B3GAT2: variants seen among roughly 807,000 people sequenced by gnomAD.
B3GAT2 encodes beta-1,3-glucuronyltransferase 2.
In B3GAT2, 26 loss-of-function variants were observed where a neutral mutation model predicts 27.8. The ratio of observed to expected loss-of-function variants is 0.93; its 90% CI spans 0.68 to 1.30. The LOEUF (loss-of-function observed/expected upper bound fraction) is 1.30. Among genes scored for constraint, B3GAT2 ranks in the 50% most tolerant of loss-of-function variants. B3GAT2 has a pLI of 0.00. For synonymous variants in B3GAT2, 218 were observed against 195.1 expected (o/e 1.12, Z -0.98); for missense variants, 458 against 459.0 (o/e 1.00, Z 0.02).
intron 1 of B3GAT2, among the ~76,000 whole-genome samples, chr6:70,918,525 G>A (rs1462234771): frequency 1.3e-5 from 2 of 152,128 alleles, no homozygotes; most frequent in Non-Finnish European, 2.9e-5. Context: ...TTTTGTAGTG[G>A]CTGGTACCGG....
chr6:70,900,115 A>T (rs1178268720), intron 1 of B3GAT2, among the ~76,000 whole-genome samples: 3 of 152,228 alleles, frequency 2.0e-5, no homozygotes. Flanking sequence ...TTCAATGCCA[A>T]AGTCATATTC....
At chr6:70,919,721 T>C (rs1317394691) in intron 1 of B3GAT2, among the ~76,000 whole-genome samples, 1 of 151,762 alleles carries the variant, frequency 6.6e-6, no homozygotes, top group African/African-American at 2.4e-5. Flanking sequence ...GTATCACCAA[T>C]GGAGGCTGCA....
chr6:70,857,169 C>A lies in B3GAT2; in HGVS notation c.*4494G>T. On this transcript the variant is annotated 3_prime_UTR_variant, in exon 4 of 4. Transcript: ENST00000230053. ...TGTTGCAGTTTATACAACTATGAAG[C>A]CGAAATGAATGAGCATTAGAATTAA... is the stretch of plus-strand genomic sequence containing the variant. 1 of 787,112 alleles carries A rather than the reference C, an allele frequency of 1.3e-6. No homozygotes were observed. Among genetic ancestry groups the A allele is most frequent in the Non-Finnish European group, 1.8e-6 (1 of 549,722 alleles). 48.8% of individuals were successfully genotyped at this position (787,112 alleles called of 1,614,324 possible).
intron 1 of B3GAT2, among the ~76,000 whole-genome samples, chr6:70,906,138 T>G (rs1772597863): frequency 6.6e-6 from 1 of 152,176 alleles, no homozygotes; most frequent in African/African-American, 2.4e-5. Flanking sequence ...TCTTTCTTAA[T>G]TTTTCCACAC....
chr6:70,922,112 G>C (rs1772880086), intron 1 of B3GAT2, among the ~76,000 whole-genome samples: 1 of 152,172 alleles, frequency 6.6e-6, no homozygotes, highest in Non-Finnish European at 1.5e-5. Context: ...GCATACATCT[G>C]TGGGAGCGGG....
intron 2 of B3GAT2, among the ~76,000 whole-genome samples, chr6:70,876,867 T>C (rs1772022629): frequency 6.6e-6 from 1 of 152,126 alleles, no homozygotes; most frequent in South Asian, 2.1e-4. Context: ...GTAGAGAGCT[T>C]TGGGAGCACA....
At chr6:70,908,432 G>T (rs892203890) in intron 1 of B3GAT2, among the ~76,000 whole-genome samples, 1 of 152,154 alleles carries the variant, frequency 6.6e-6, no homozygotes. Flanking sequence ...ATACAGAGAA[G>T]TACCTTGTGC....
chr6:70,955,843 T>C lies in B3GAT2; in HGVS notation c.587A>G (p.Gln196Arg), dbSNP rs1266183025. 5 of 1,595,230 alleles carry C rather than the reference T, an allele frequency of 3.1e-6. No homozygotes were observed. The highest frequency in any genetic ancestry group is 1.4e-5 in the African/African-American group (1 of 73,624). ...GCGGGGCAGGCTGGCCTTTACCTCCTGGAAGAGCTCCAGACTATAGGTGTT... is the reference window on the plus strand; with the variant it reads ...GCGGGGCAGGCTGGCCTTTACCTCCCGGAAGAGCTCCAGACTATAGGTGTT... The part of the protein sequence containing the change: ...DDNTYSLELF[Q>R]EMRTTRKVSV... Residue 196 changes from glutamine to arginine, a missense_variant, in exon 1 of 4, where the codon CAG becomes CGG. Transcript: ENST00000230053.
At chr6:70,909,901 T>C (rs1288026086) in intron 1 of B3GAT2, among the ~76,000 whole-genome samples, 1 of 152,090 alleles carries the variant, frequency 6.6e-6, no homozygotes, top group Non-Finnish European at 1.5e-5. Context: ...TGAGACGGAG[T>C]CTTGCTTTGT....
chr6:70,861,375 G>A lies in B3GAT2; in HGVS notation c.*288C>T, dbSNP rs1771720018. The A allele has an allele frequency of 2.9e-6, 1 of 341,046 alleles. No homozygotes were observed. Among genetic ancestry groups the A allele is most frequent in the Non-Finnish European group, 5.4e-6 (1 of 184,762 alleles). The allele number at this position is 341,046 out of a possible 1,614,324, so 21.1% of individuals were successfully genotyped here. On this transcript the variant is annotated 3_prime_UTR_variant, in exon 4 of 4. Transcript: ENST00000230053. Reference sequence around the variant, plus strand: ...AGAAAAAGAAAAAATATATACTCAAGAGTGGTATCTTGCAGTATCGGCACT... The same window carrying A: ...AGAAAAAGAAAAAATATATACTCAAAAGTGGTATCTTGCAGTATCGGCACT...
At position 70,857,108 on chromosome 6, in the gene B3GAT2, A is replaced by T; in HGVS notation, c.*4555T>A. On this transcript the variant is annotated 3_prime_UTR_variant, in exon 4 of 4. Coordinates refer to ENST00000230053, the MANE Select transcript of B3GAT2 (RefSeq NM_080742.3). ...GTAATTATATAATAAGATCAATTAT[A>T]TATCTTTTATTGTTCCATGTAGTGA... 1 of 1,369,028 alleles carries T rather than the reference A, an allele frequency of 7.3e-7. No homozygotes were observed. The highest frequency in any genetic ancestry group is 9.8e-7 in the Non-Finnish European group (1 of 1,024,750). 84.8% of individuals were successfully genotyped at this position (1,369,028 alleles called of 1,614,324 possible).
At chr6:70,914,768 T>TA (rs1449561645) in intron 1 of B3GAT2, among the ~76,000 whole-genome samples, 2 of 151,952 alleles carry the variant, frequency 1.3e-5, no homozygotes, top group African/African-American at 4.8e-5. Context: ...AACTTTTTTT[T>TA]TAACCAGACA....
intron 2 of B3GAT2, among the ~76,000 whole-genome samples, chr6:70,865,464 T>C (rs1447401906): frequency 1.3e-5 from 2 of 152,202 alleles, no homozygotes; most frequent in Non-Finnish European, 2.9e-5. Flanking sequence ...ACAATTTGCA[T>C]GGCATTTGCA....
chr6:70,887,162 T>C (rs941180467), intron 2 of B3GAT2, among the ~76,000 whole-genome samples: 2 of 152,212 alleles, frequency 1.3e-5, no homozygotes, highest in African/African-American at 4.8e-5. Context: ...TTTATATTCA[T>C]GAAGCAAAGC....
At position 70,856,765 on chromosome 6, in the gene B3GAT2, T is replaced by TA; in HGVS notation, c.*4897dup. On this transcript the variant is annotated 3_prime_UTR_variant, in exon 4 of 4. Transcript: ENST00000230053. ...TTACCTTCTACAATTGTTTGATTCC[T>TA]ATCTAATTTTATAACTTTATTTGGA... 3 of 1,280,400 alleles carry TA rather than the reference T, an allele frequency of 2.3e-6. No individual in the cohort carries two copies. Among genetic ancestry groups the TA allele is most frequent in the Non-Finnish European group, 3.2e-6 (3 of 944,636 alleles). The allele number at this position is 1,280,400 out of a possible 1,614,324, so 79.3% of individuals were successfully genotyped here. A position where few individuals can be genotyped will look rare whatever the true frequency, so the allele number is the denominator to read the frequency against.
At position 70,928,179 on chromosome 6, in the gene B3GAT2, A is replaced by T. The variant is rs181452066; in HGVS notation, c.591+27660T>A. On this transcript the variant is annotated intron_variant, in intron 1 of 3. Transcript: ENST00000230053. The stretch of plus-strand genomic sequence containing the variant: ...ATACCAGAATCTCTGGGACACATTC[A>T]AAGCAGTGTGTAGAGGGAAATTTAT... 5.7e-3 allele frequency among the ~76,000 whole-genome samples: 868 copies of T among 152,310 alleles called. 5 individuals carry two copies. The highest frequency in any genetic ancestry group is 0.041 in the Middle Eastern group (12 of 294).
At chr6:70,869,358 T>G (rs923899466) in intron 2 of B3GAT2, among the ~76,000 whole-genome samples, 1 of 152,158 alleles carries the variant, frequency 6.6e-6, no homozygotes, top group Non-Finnish European at 1.5e-5. Flanking sequence ...TTGGGAAGTA[T>G]AAATCCCCTA....
rs1262909033 is a variant in B3GAT2, at chr6:70,858,228, A to G, written c.*3435T>C. On this transcript the variant is annotated 3_prime_UTR_variant, in exon 4 of 4. Transcript: ENST00000230053. ...CAGCAGCCCCAGTGGAGCCTCTCAC[A>G]GGTAGGGGTCATTTACTTTCTAGCT... 1.2e-6 allele frequency: 2 copies of G among 1,606,236 alleles called. No individual in the cohort carries two copies. The highest frequency in any genetic ancestry group is 1.7e-6 in the Non-Finnish European group (2 of 1,176,456).
chr6:70,870,556 G>GA (rs890392747), intron 2 of B3GAT2, among the ~76,000 whole-genome samples: 8 of 148,914 alleles, frequency 5.4e-5, no homozygotes, highest in Non-Finnish European at 7.5e-5. Flanking sequence ...ATAAAAAAAA[G>GA]AAAAAAAAAG....
Sources: allele counts gnomAD v4.1 joint callset (sites outside exome capture counted in the v4.1 genomes callset), GRCh38; gene constraint gnomAD v4.1.1; transcripts MANE v1.5; gene names NCBI Gene and HGNC (gene_info 2026-07-23, HGNC 2026-07-21).